Variants in PHF6 observed in about 807,000 individuals in gnomAD.
PHF6 encodes the protein PHD finger protein 6.
PHF6 carries 7 observed loss-of-function variants against 34.0 expected under a neutral mutation model. The observed-to-expected ratio is 0.21, with a 90% CI of 0.12 to 0.39. The LOEUF (loss-of-function observed/expected upper bound fraction) is 0.39, where lower values mean the gene tolerates loss of function less well. Among genes scored for constraint, PHF6 ranks in the 10% least tolerant of loss-of-function variants. The pLI, the probability that PHF6 is intolerant of heterozygous loss-of-function variation, is 1.00. For missense variants in PHF6, 128 were observed against 262.8 expected, an observed-to-expected ratio of 0.49 and a Z score of 3.55; for synonymous variants, 89 against 88.4, an observed-to-expected ratio of 1.01 and a Z score of -0.04.
intron 5 of PHF6, among the ~76,000 whole-genome samples, chrX:134,407,181 G>T (rs2077428805): frequency 8.9e-6 from 1 of 112,125 alleles, no homozygotes; most frequent in Admixed American, 9.5e-5. Context: ...GTGGGTGGAG[G>T]GGGTGTTGGG....
At chrX:134,391,494 C>T (rs1273508878) in intron 3 of PHF6, among the ~76,000 whole-genome samples, 3 of 111,420 alleles carry the variant, frequency 2.7e-5, no homozygotes, top group Non-Finnish European at 5.6e-5. Flanking sequence ...CAGCTGTATA[C>T]AACAGTGCCC....
intron 2 of PHF6, 34 bp downstream of exon 2, chrX:134,377,789 C>T (rs1019968355): frequency 5.9e-6 from 7 of 1,185,667 alleles, no homozygotes; most frequent in Middle Eastern, 4.7e-4. Context: ...GACCTTGAAA[C>T]GATTCATGAG....
chrX:134,393,771 G>T, intron 4 of PHF6, 137 bp downstream of exon 4: 7 of 797,772 alleles, frequency 8.8e-6, no homozygotes, highest in Non-Finnish European at 1.3e-5. Context: ...AATACTTAGA[G>T]AAATAGTACA....
chrX:134,421,916 G>GT lies in PHF6; in HGVS notation c.969-3279dup, dbSNP rs767807310. Among the ~76,000 whole-genome samples the GT allele has an allele frequency of 2.1e-3, 219 of 104,289 alleles. 1 individual carries two copies. The highest frequency in any genetic ancestry group is 7.1e-3 in the African/African-American group (207 of 29,093). 90.6% of individuals were successfully genotyped at this position (104,289 alleles called of 115,157 possible). On this transcript the variant is annotated intron_variant, in intron 9 of 10. Transcript: ENST00000370803. ...GTGACATTAAACAATTTTACATCTT[G>GT]TTTTTTGTTTGTTTGTTTGTTTGTT...
At chrX:134,388,213 C>T (rs1166973496) in intron 3 of PHF6, among the ~76,000 whole-genome samples, 1 of 111,754 alleles carries the variant, frequency 8.9e-6, no homozygotes, top group East Asian at 2.8e-4. Context: ...AGTTAAGGAG[C>T]ATTTTTGGGG....
At chrX:134,383,729 T>C (rs756065429) in intron 3 of PHF6, among the ~76,000 whole-genome samples, 10 of 111,835 alleles carry the variant, frequency 8.9e-5, no homozygotes, top group Non-Finnish European at 1.9e-4. Flanking sequence ...GAGGCTCAGA[T>C]GAGTTAAGTA....
intron 3 of PHF6, among the ~76,000 whole-genome samples, chrX:134,380,149 CTTTTT>C (rs749900020): frequency 1.0e-5 from 1 of 96,321 alleles, no homozygotes. Flanking sequence ...TTATTTGGAC[CTTTTT>C]TTTTTTTTTT....
intron 1 of PHF6, among the ~76,000 whole-genome samples, chrX:134,375,117 T>C (rs1352490270): frequency 8.9e-6 from 1 of 111,829 alleles, no homozygotes; most frequent in Non-Finnish European, 1.9e-5. Flanking sequence ...TGTTCTCCAC[T>C]TCATGTTTTA....
At position 134,390,982 on chromosome X, in the gene PHF6, T is replaced by C. The variant is rs775850107; in HGVS notation, c.241-2519T>C. ...TCTTTTTTTCTTTTTTTTTTCTTTT[T>C]TTTTTTTTTGTGATGGAGTTTCACT... On this transcript the variant is annotated intron_variant, in intron 3 of 10. Coordinates refer to ENST00000370803, the MANE Select transcript of PHF6 (RefSeq NM_001015877.2). 8.1e-4 allele frequency among the ~76,000 whole-genome samples: 87 copies of C among 107,161 alleles called. No individual in the cohort carries two copies. In the Middle Eastern group the frequency reaches 0.019, roughly 23 times the overall value. The allele number at this position is 107,161 out of a possible 115,157, so 93.1% of individuals were successfully genotyped here.
intron 3 of PHF6, among the ~76,000 whole-genome samples, chrX:134,384,152 CT>C (rs2077319976): frequency 9.0e-6 from 1 of 111,600 alleles, no homozygotes; most frequent in African/African-American, 3.3e-5. Context: ...AACAGGGTGT[CT>C]TCTGTCTGGG....
At chrX:134,402,906 G>A (rs774423342) in intron 5 of PHF6, among the ~76,000 whole-genome samples, 46 of 111,909 alleles carry the variant, frequency 4.1e-4, no homozygotes, top group Non-Finnish European at 7.3e-4. Flanking sequence ...GGGACATCAT[G>A]AACCGTGCCC....
chrX:134,395,558 A>G (rs1194740005), intron 5 of PHF6, among the ~76,000 whole-genome samples: 1 of 112,157 alleles, frequency 8.9e-6, no homozygotes, highest in Non-Finnish European at 1.9e-5. Flanking sequence ...CTATCCCTTC[A>G]TTTAGATTAG....
intron 5 of PHF6, among the ~76,000 whole-genome samples, chrX:134,404,842 T>A (rs1244567376): frequency 1.8e-5 from 2 of 112,184 alleles, no homozygotes; most frequent in East Asian, 5.6e-4. Flanking sequence ...AGCAATAAAG[T>A]ATTTTTAATG....
At position 134,399,937 on chromosome X, in the gene PHF6, C is replaced by A. The variant is rs1015650930; in HGVS notation, c.418+5985C>A. ...ATCCCCTGTGCTCCACCTTTTCCCT[C>A]CCAAACCTCTGGCAACCACTGATAC... On this transcript the variant is annotated intron_variant, in intron 5 of 10. Transcript: ENST00000370803. Among the ~76,000 whole-genome samples, 10 of 111,518 alleles carry A rather than the reference C, an allele frequency of 9.0e-5. No homozygotes were observed. The Admixed American group carries it at 9.6e-4, about 11-fold the overall frequency.
At position 134,426,002 on chromosome X, in the gene PHF6, T is replaced by C. The variant is rs991120577; in HGVS notation, c.*342T>C. 6.1e-6 allele frequency: 1 copy of C among 164,973 alleles called. No homozygotes were observed. The allele number at this position is 164,973 out of a possible 1,213,427, so 13.6% of individuals were successfully genotyped here. A position where few individuals can be genotyped will look rare whatever the true frequency, so the allele number is the denominator to read the frequency against. On this transcript the variant is annotated 3_prime_UTR_variant, in exon 11 of 11. Coordinates refer to ENST00000370803, the MANE Select transcript of PHF6 (RefSeq NM_001015877.2). ...TGCTGTTTAGAGCATTTAAGTTTGT[T>C]TAGTGGATCCATACTCAAAGGAAAG...
intron 7 of PHF6, 84 bp downstream of exon 7, chrX:134,414,050 T>C: frequency 1.1e-6 from 1 of 888,060 alleles, no homozygotes; most frequent in Non-Finnish European, 1.6e-6. Flanking sequence ...GCCCAAATGA[T>C]TTTTTTTTTA....
Position 134,425,956 on chromosome X carries a change from T to C in PHF6, c.*296T>C, listed in dbSNP as rs2077506181. Reference sequence around the variant, plus strand: ...AGCAGACGAAACGAAGTAAGCTATATTTCTGGACTGAACAAAGCTCTGCTG... The same window carrying C: ...AGCAGACGAAACGAAGTAAGCTATACTTCTGGACTGAACAAAGCTCTGCTG... On this transcript the variant is annotated 3_prime_UTR_variant, in exon 11 of 11. Transcript: ENST00000370803. 1.8e-5 allele frequency: 3 copies of C among 164,163 alleles called. No homozygotes were observed. The highest frequency in any genetic ancestry group is 3.0e-5 in the African/African-American group (1 of 33,549). 13.5% of individuals were successfully genotyped at this position (164,163 alleles called of 1,213,427 possible).
At chrX:134,384,740 C>T (rs2077323675) in intron 3 of PHF6, among the ~76,000 whole-genome samples, 2 of 109,900 alleles carry the variant, frequency 1.8e-5, no homozygotes, top group Admixed American at 9.7e-5. Flanking sequence ...CAAGCTCTGC[C>T]TCCTGGGTTC....
At chrX:134,392,216 G>A (rs1289787955) in intron 3 of PHF6, among the ~76,000 whole-genome samples, 1 of 112,224 alleles carries the variant, frequency 8.9e-6, no homozygotes, top group Non-Finnish European at 1.9e-5. Flanking sequence ...CAAAAGTTAG[G>A]AATGCTAAGT....
Sources: allele counts gnomAD v4.1 joint callset (sites outside exome capture counted in the v4.1 genomes callset), GRCh38; gene constraint gnomAD v4.1.1; transcripts MANE v1.5; gene names NCBI Gene and HGNC (gene_info 2026-07-23, HGNC 2026-07-21).